CAMTA1: variants seen among roughly 807,000 people sequenced by gnomAD.
CAMTA1 encodes calmodulin-binding transcription activator 1.
CAMTA1 carries 27 observed loss-of-function variants against 170.9 expected under a neutral mutation model. The observed-to-expected ratio is 0.16, with a 90% CI of 0.12 to 0.22. The LOEUF (loss-of-function observed/expected upper bound fraction) is 0.22, where lower values mean the gene tolerates loss of function less well. Among genes scored for constraint, CAMTA1 ranks in the 10% least tolerant of loss-of-function variants. The pLI, the probability that CAMTA1 is intolerant of heterozygous loss-of-function variation, is 1.00. For missense variants in CAMTA1, 1,619 were observed against 2,217.2 expected (o/e 0.73, Z 5.42); for synonymous variants, 833 against 891.5 (o/e 0.93, Z 1.17).
intron 5 of CAMTA1, among the ~76,000 whole-genome samples, chr1:7,319,242 G>C (rs1240459784): frequency 6.6e-6 from 1 of 152,118 alleles, no homozygotes; most frequent in African/African-American, 2.4e-5. Flanking sequence ...GATATGGTTT[G>C]GATCTGTGTC....
At chr1:6,809,380 C>T (rs1383621428) in intron 1 of CAMTA1, among the ~76,000 whole-genome samples, 3 of 152,076 alleles carry the variant, frequency 2.0e-5, no homozygotes, top group Non-Finnish European at 2.9e-5. Context: ...GTATATACAG[C>T]GTGACATTGG....
In CAMTA1 at chr1:7,426,410, A is replaced by G. The variant is rs2091877908; in HGVS notation, c.439-41420A>G. On this transcript the variant is annotated intron_variant, in intron 5 of 22. Coordinates refer to ENST00000303635, the MANE Select transcript of CAMTA1 (RefSeq NM_015215.4). This position sits in a 1 kb window ranked among gnomAD's most constrained non-coding sequence, Gnocchi z 4.8. Reference sequence around the variant, plus strand: ...ACCAGCGGTAGTGATCTCCCCCAAAAAACTGCCTACCTGGGTTTCCAACTT... The same window carrying G: ...ACCAGCGGTAGTGATCTCCCCCAAAGAACTGCCTACCTGGGTTTCCAACTT... 6.6e-6 allele frequency among the ~76,000 whole-genome samples: 1 copy of G among 152,096 alleles called. No individual in the cohort carries two copies.
At chr1:7,204,505 G>C (rs1215889488) in intron 4 of CAMTA1, among the ~76,000 whole-genome samples, 2 of 151,930 alleles carry the variant, frequency 1.3e-5, no homozygotes, top group African/African-American at 4.8e-5. Context: ...TAATTTCATT[G>C]TCATTAGAAG....
Position 7,738,191 on chromosome 1 carries a change from C to T in CAMTA1, c.3891C>T (p.Ser1297=). 1 of 1,614,058 alleles carries T rather than the reference C, an allele frequency of 6.2e-7. No individual in the cohort carries two copies. The highest frequency in any genetic ancestry group is 8.5e-7 in the Non-Finnish European group (1 of 1,180,042). Residue 1297 remains serine (S), a synonymous_variant, in exon 16 of 23, where the codon AGC becomes AGT. Transcript: ENST00000303635. This position sits in a 1 kb window ranked among gnomAD's most constrained non-coding sequence, Gnocchi z 4.9. ...LSPSEGVRDF[S]RELSPPTPET... ...CCAGTGAAGGAGTGAGGGACTTCAGCCGGGAACTCTCCCCTCCCACTCCAG... is the reference window on the plus strand; with the variant it reads ...CCAGTGAAGGAGTGAGGGACTTCAGTCGGGAACTCTCCCCTCCCACTCCAG...
intron 3 of CAMTA1, among the ~76,000 whole-genome samples, chr1:6,914,831 A>G (rs1191874372): frequency 6.6e-6 from 1 of 152,202 alleles, no homozygotes; most frequent in East Asian, 1.9e-4. Context: ...TCCTCTCCCC[A>G]GAAACACGTT....
Position 7,673,472 on chromosome 1 carries a change from A to G in CAMTA1, c.2779+2435A>G, listed in dbSNP as rs2149245240. Among the ~76,000 whole-genome samples, 1 of 152,264 alleles carries G rather than the reference A, an allele frequency of 6.6e-6. No homozygotes were observed. The highest frequency in any genetic ancestry group is 2.1e-4 in the South Asian group (1 of 4,816). On this transcript the variant is annotated intron_variant, in intron 10 of 22. Coordinates refer to ENST00000303635, the MANE Select transcript of CAMTA1 (RefSeq NM_015215.4). This position sits in a 1 kb window ranked among gnomAD's most constrained non-coding sequence, Gnocchi z 4.6. Reference sequence around the variant, plus strand: ...TCCTTTCCCAAGGGGGAGTTCGGAGAGGGTACCAGGGCAGTTTGGGTCTCA... The same window carrying G: ...TCCTTTCCCAAGGGGGAGTTCGGAGGGGGTACCAGGGCAGTTTGGGTCTCA...
chr1:7,730,864 A>T (rs1401167240), intron 11 of CAMTA1, among the ~76,000 whole-genome samples: 4 of 151,344 alleles, frequency 2.6e-5, no homozygotes, highest in Non-Finnish European at 5.9e-5. Flanking sequence ...ATGCCATTGC[A>T]CTCCAGCCTG....
intron 1 of CAMTA1, chr1:6,806,896 C>T (rs532598048): frequency 1.1e-4 from 47 of 412,216 alleles, no homozygotes; most frequent in African/African-American, 5.4e-4. Context: ...CTTGTAGTCC[C>T]GCAGGGGCCA....
At chr1:7,104,257 A>T (rs1203133844) in intron 4 of CAMTA1, among the ~76,000 whole-genome samples, 1 of 135,940 alleles carries the variant, frequency 7.4e-6, no homozygotes, top group African/African-American at 2.7e-5. Context: ...ACACACATAC[A>T]CACAACTACA....
Position 7,655,235 on chromosome 1 carries a change from CCTA to C in CAMTA1, c.665-6490_665-6488del, listed in dbSNP as rs1558064875. ...ACACACCCATCTATACACACACACA[CCTA>C]TACACACACACCTATACACACAGAC... On this transcript the variant is annotated intron_variant, in intron 7 of 22. Transcript: ENST00000303635. Among the ~76,000 whole-genome samples the C allele has an allele frequency of 6.7e-3, 906 of 135,062 alleles. 12 individuals carry two copies. Among genetic ancestry groups the C allele is most frequent in the African/African-American group, 0.023 (835 of 36,308 alleles). The allele number at this position is 135,062 out of a possible 152,430, so 88.6% of individuals were successfully genotyped here. A position where few individuals can be genotyped will look rare whatever the true frequency, so the allele number is the denominator to read the frequency against.
chr1:7,073,016 A>G (rs1485383703), intron 3 of CAMTA1, among the ~76,000 whole-genome samples: 1 of 152,190 alleles, frequency 6.6e-6, no homozygotes, highest in Non-Finnish European at 1.5e-5. Flanking sequence ...AGGGAGATCC[A>G]AAAGGCAGAT....
chr1:7,505,167 CAT>C (rs201161366), intron 6 of CAMTA1, among the ~76,000 whole-genome samples: 5 of 152,226 alleles, frequency 3.3e-5, no homozygotes, highest in East Asian at 3.9e-4. Flanking sequence ...CAAGTGCACA[CAT>C]GTTTGTTGCA....
At chr1:7,452,229 C>T (rs1557738324) in intron 5 of CAMTA1, among the ~76,000 whole-genome samples, 1 of 152,166 alleles carries the variant, frequency 6.6e-6, no homozygotes, top group Non-Finnish European at 1.5e-5. Flanking sequence ...TCCTGCATCC[C>T]CCCTGGTTCC....
intron 6 of CAMTA1, among the ~76,000 whole-genome samples, chr1:7,622,593 A>G (rs2095606193): frequency 6.6e-6 from 1 of 152,204 alleles, no homozygotes; most frequent in Non-Finnish European, 1.5e-5. Context: ...TTTCTCCCTA[A>G]TGGGTTTCTC....
At chr1:7,419,311 A>G (rs1033562934) in intron 5 of CAMTA1, among the ~76,000 whole-genome samples, 3 of 152,082 alleles carry the variant, frequency 2.0e-5, no homozygotes, top group African/African-American at 7.2e-5. Flanking sequence ...ATCTGCCACC[A>G]TTCCTGGCTA....
At position 7,411,421 on chromosome 1, in the gene CAMTA1, C is replaced by A. The variant is rs1222999746; in HGVS notation, c.439-56409C>A. Among the ~76,000 whole-genome samples, 4 of 151,366 alleles carry A rather than the reference C, an allele frequency of 2.6e-5. No individual in the cohort carries two copies. The East Asian group carries it at 7.8e-4, about 30-fold the overall frequency. ...GGGCGTGGTGACACGGCCCTGTAAT[C>A]CCAGCTACTCAGGAGGCTGAGGCAG... On this transcript the variant is annotated intron_variant, in intron 5 of 22. Coordinates refer to ENST00000303635, the MANE Select transcript of CAMTA1 (RefSeq NM_015215.4).
rs2097034502 is a variant in CAMTA1 at position 7,768,133 on chromosome 1, C to G, written c.*1642C>G. 1 of 140,248 alleles carries G rather than the reference C, an allele frequency of 7.1e-6. No homozygotes were observed. The highest frequency in any genetic ancestry group is 2.6e-5 in the African/African-American group (1 of 38,334). 8.7% of individuals were successfully genotyped at this position (140,248 alleles called of 1,614,324 possible). ...AATGATAAAAAAAAAAAAAAAAAACCTGACAAAAGAAATAGTATGAAAAGT... is the reference window on the plus strand; with the variant it reads ...AATGATAAAAAAAAAAAAAAAAAACGTGACAAAAGAAATAGTATGAAAAGT... On this transcript the variant is annotated 3_prime_UTR_variant, in exon 23 of 23. Coordinates refer to ENST00000303635, the MANE Select transcript of CAMTA1 (RefSeq NM_015215.4).
At chr1:7,670,890 T>C in intron 9 of CAMTA1, 21 bp from the exon 10 acceptor site, 1 of 1,612,694 alleles carries the variant, frequency 6.2e-7, no homozygotes, top group Non-Finnish European at 8.5e-7. Context: ...CCAACTCTGT[T>C]CCCCTCTCTG....
intron 3 of CAMTA1, among the ~76,000 whole-genome samples, chr1:7,084,313 A>G (rs906350161): frequency 3.3e-5 from 5 of 152,058 alleles, no homozygotes; most frequent in African/African-American, 1.2e-4. Flanking sequence ...TGAGAGACCT[A>G]TGGGGGACTC....
Sources: allele counts gnomAD v4.1 joint callset (sites outside exome capture counted in the v4.1 genomes callset), GRCh38; gene constraint gnomAD v4.1.1; non-coding constraint Gnocchi (gnomAD v3.1); transcripts MANE v1.5; gene names NCBI Gene and HGNC (gene_info 2026-07-23, HGNC 2026-07-21).